ANO2: variants seen among roughly 807,000 people sequenced by gnomAD.
ANO2 encodes anoctamin 2.
A neutral mutation model predicts 124.2 loss-of-function variants in ANO2; 101 were observed. The ratio of observed to expected loss-of-function variants is 0.81; its 90% CI spans 0.69 to 0.96. The LOEUF (loss-of-function observed/expected upper bound fraction) is 0.96. Ranked by LOEUF, ANO2 falls within the 40% of genes least tolerant of loss-of-function variation. ANO2 has a pLI of 0.00. For missense variants in ANO2, 1,293 were observed against 1,274.5 expected (o/e 1.01, Z -0.22); for synonymous variants, 486 against 482.5 (o/e 1.01, Z -0.09).
chr12:5,844,958 T>C (rs1954636593), intron 4 of ANO2, among the ~76,000 whole-genome samples: 1 of 152,076 alleles, frequency 6.6e-6, no homozygotes, highest in East Asian at 1.9e-4. Context: ...ATGAAATTTT[T>C]TTTTTTTTTT....
At chr12:5,800,358 A>G (rs1376436464) in intron 9 of ANO2, among the ~76,000 whole-genome samples, 1 of 152,218 alleles carries the variant, frequency 6.6e-6, no homozygotes, top group Non-Finnish European at 1.5e-5. Flanking sequence ...ACACTGGATG[A>G]AATTTGGGTT....
intron 4 of ANO2, among the ~76,000 whole-genome samples, chr12:5,845,988 C>T (rs549663847): frequency 1.3e-5 from 2 of 152,294 alleles, no homozygotes; most frequent in East Asian, 3.9e-4. Flanking sequence ...CTTTTGATCT[C>T]AAGATAATTT....
chr12:5,604,813 A>G (rs1469730757), intron 19 of ANO2, among the ~76,000 whole-genome samples: 1 of 152,220 alleles, frequency 6.6e-6, no homozygotes, highest in African/African-American at 2.4e-5. Context: ...TATAACATAC[A>G]GATGGGCTTT....
In ANO2 at chr12:5,834,281, C is replaced by T. The variant is rs535233096; in HGVS notation, c.634-1678G>A. Among the ~76,000 whole-genome samples the T allele has an allele frequency of 9.8e-5, 15 of 152,312 alleles. No homozygotes were observed. In the South Asian group the frequency reaches 1.0e-3, roughly 11 times the overall value. ...TCCAGAATAAGAGGCAACATCCAGA[C>T]GCTCTGACTCAAAATCCTATTTCCT... On this transcript the variant is annotated intron_variant, in intron 4 of 24. Transcript: ENST00000682330.
chr12:5,733,142 C>T (rs939069147), intron 13 of ANO2: 1 of 555,484 alleles, frequency 1.8e-6, no homozygotes, highest in Non-Finnish European at 3.2e-6. Context: ...AAATGGCGAC[C>T]AATAAACATC....
chr12:5,724,115 C>T (rs1950341481), intron 14 of ANO2, among the ~76,000 whole-genome samples: 1 of 152,074 alleles, frequency 6.6e-6, no homozygotes, highest in South Asian at 2.1e-4. Flanking sequence ...AATAAGGATG[C>T]TTAGGGCCCT....
At chr12:5,748,865 C>A (rs1209897252) in intron 11 of ANO2, among the ~76,000 whole-genome samples, 1 of 100,464 alleles carries the variant, frequency 1.0e-5, no homozygotes, top group Non-Finnish European at 2.0e-5. Context: ...TTTCCCTTCA[C>A]CCTCCAAAAA....
At chr12:5,910,445 T>C (rs553394057) in intron 3 of ANO2, among the ~76,000 whole-genome samples, 88 of 152,270 alleles carry the variant, frequency 5.8e-4, no homozygotes, top group African/African-American at 2.0e-3. Flanking sequence ...TCCCAAAGTA[T>C]TGGGATTACA....
At chr12:5,655,442 T>C (rs994102736) in intron 14 of ANO2, among the ~76,000 whole-genome samples, 1 of 152,216 alleles carries the variant, frequency 6.6e-6, no homozygotes, top group East Asian at 1.9e-4. Context: ...GGCTCTGGAA[T>C]GGGGCCTGAG....
intron 14 of ANO2, among the ~76,000 whole-genome samples, chr12:5,709,579 A>G (rs571510353): frequency 6.6e-6 from 1 of 152,344 alleles, no homozygotes; most frequent in South Asian, 2.1e-4. Flanking sequence ...GAGGCCTTCC[A>G]GGTAAGCCAC....
chr12:5,835,308 C>T (rs1335526543), intron 4 of ANO2, among the ~76,000 whole-genome samples: 2 of 152,130 alleles, frequency 1.3e-5, no homozygotes, highest in African/African-American at 4.8e-5. Flanking sequence ...AGCAGATCTC[C>T]ATGAAACTCA....
At chr12:5,921,388 G>C in intron 2 of ANO2, 22 bp from the exon 3 acceptor site, 430 of 1,572,138 alleles carry the variant, frequency 2.7e-4, no homozygotes, top group Non-Finnish European at 3.4e-4. Context: ...GAGAGGAGAG[G>C]CAGGGCAAGG....
intron 14 of ANO2, among the ~76,000 whole-genome samples, chr12:5,694,052 A>G (rs570711976): frequency 1.3e-5 from 2 of 152,220 alleles, no homozygotes; most frequent in East Asian, 3.9e-4. Context: ...TTTGTTTTCA[A>G]TGCTGCAGCC....
intron 4 of ANO2, among the ~76,000 whole-genome samples, chr12:5,851,576 T>C (rs904566674): frequency 6.6e-6 from 1 of 150,796 alleles, no homozygotes; most frequent in African/African-American, 2.4e-5. Context: ...TCCCAGCTAA[T>C]CGGGAAGTTG....
intron 23 of ANO2, among the ~76,000 whole-genome samples, chr12:5,570,355 C>G (rs1012680717): frequency 4.0e-5 from 6 of 151,800 alleles, no homozygotes; most frequent in Non-Finnish European, 7.4e-5. Context: ...TGGGGTTGGG[C>G]AGGGGTTAGG....
intron 3 of ANO2, among the ~76,000 whole-genome samples, chr12:5,865,648 A>G (rs1565733935): frequency 2.0e-5 from 3 of 151,834 alleles, no homozygotes; most frequent in Non-Finnish European, 2.9e-5. Flanking sequence ...CCATCACACC[A>G]TCATGCATTC....
At chr12:5,882,012 G>C (rs1335288182) in intron 3 of ANO2, among the ~76,000 whole-genome samples, 1 of 152,156 alleles carries the variant, frequency 6.6e-6, no homozygotes, top group Non-Finnish European at 1.5e-5. Context: ...GGCTAGAGAA[G>C]GCAAAGAAAG....
chr12:5,590,112 T>G (rs1175691430), intron 20 of ANO2, among the ~76,000 whole-genome samples: 1 of 152,104 alleles, frequency 6.6e-6, no homozygotes, highest in Non-Finnish European at 1.5e-5. Flanking sequence ...GATACCCTAT[T>G]GCAAGCTTGT....
At chr12:5,667,005 G>C (rs966850933) in intron 14 of ANO2, among the ~76,000 whole-genome samples, 1 of 152,210 alleles carries the variant, frequency 6.6e-6, no homozygotes, top group African/African-American at 2.4e-5. Context: ...GCTTGCATGA[G>C]TGTCCCTGGC....
Sources: gnomAD v4.1 joint callset for allele counts (sites outside exome capture counted in the v4.1 genomes callset) on GRCh38, gnomAD v4.1.1 for gene constraint, MANE v1.5 for transcripts, NCBI Gene and HGNC (gene_info 2026-07-23, HGNC 2026-07-21) for gene names.